Variants in KCNIP4 observed in about 807,000 individuals in gnomAD.
The protein encoded by KCNIP4 is potassium voltage-gated channel interacting protein 4.
KCNIP4 carries 12 observed loss-of-function variants against 34.0 expected under a neutral mutation model. The ratio of observed to expected loss-of-function variants is 0.35; its 90% CI spans 0.23 to 0.57. The LOEUF (loss-of-function observed/expected upper bound fraction) is 0.57. KCNIP4 is among the 20% of genes least tolerant of loss of function. The pLI is 0.83. For synonymous variants in KCNIP4, 124 were observed against 102.2 expected (o/e 1.21, Z -1.29); for missense variants, 238 against 311.7 (o/e 0.76, Z 1.78).
rs751126860 is a variant in KCNIP4 at position 21,933,933 on chromosome 4, G to A, written c.61+14638C>T. Among the ~76,000 whole-genome samples the A allele has an allele frequency of 5.6e-4, 85 of 152,102 alleles. 1 individual carries two copies. The highest frequency in any genetic ancestry group is 1.0e-3 in the Non-Finnish European group (68 of 67,980). On this transcript the variant is annotated intron_variant, in intron 1 of 8. Transcript: ENST00000382152. ...GCTATGGTGTCTTTACTCTGGGTTG[G>A]CAGACACCCAACAATTAATTAAAAC... is the stretch of plus-strand genomic sequence containing the variant.
intron 3 of KCNIP4, among the ~76,000 whole-genome samples, chr4:20,829,668 A>G (rs1718182523): frequency 6.6e-6 from 1 of 152,104 alleles, no homozygotes; most frequent in African/African-American, 2.4e-5. Context: ...CATGGTTACT[A>G]CTATTGTTTA....
chr4:21,378,857 G>A lies in KCNIP4; in HGVS notation c.62-496148C>T, dbSNP rs146005812. ...AGCAAGACACCTTTATACATACTAC[G>A]TAGCTATCTACATATTTATTAACAA... On this transcript the variant is annotated intron_variant, in intron 1 of 8. Transcript: ENST00000382152. Among the ~76,000 whole-genome samples the A allele has an allele frequency of 9.5e-3, 1,443 of 151,796 alleles. 28 individuals carry two copies. The highest frequency in any genetic ancestry group is 0.033 in the African/African-American group (1,373 of 41,402).
At chr4:21,504,711 G>A (rs566549091) in intron 1 of KCNIP4, among the ~76,000 whole-genome samples, 13 of 152,026 alleles carry the variant, frequency 8.6e-5, no homozygotes, top group African/African-American at 3.1e-4. Context: ...ATGATTTGGG[G>A]TTTCACACGG....
intron 1 of KCNIP4, among the ~76,000 whole-genome samples, chr4:21,690,355 A>G (rs1751174967): frequency 6.6e-6 from 1 of 151,928 alleles, no homozygotes; most frequent in Non-Finnish European, 1.5e-5. Flanking sequence ...GTCCCCTCCA[A>G]ATCTCATGTT....
intron 1 of KCNIP4, among the ~76,000 whole-genome samples, chr4:21,205,482 G>T (rs1560172910): frequency 6.6e-6 from 1 of 152,152 alleles, no homozygotes; most frequent in Non-Finnish European, 1.5e-5. Flanking sequence ...TGTAAGCCAG[G>T]CACTGTGACT....
At chr4:21,587,478 A>T (rs568577680) in intron 1 of KCNIP4, among the ~76,000 whole-genome samples, 1 of 152,088 alleles carries the variant, frequency 6.6e-6, no homozygotes, top group Admixed American at 6.6e-5. Flanking sequence ...TCTTATCTTC[A>T]GTTGTGTTGG....
intron 1 of KCNIP4, among the ~76,000 whole-genome samples, chr4:21,613,043 T>G (rs1744286020): frequency 6.6e-6 from 1 of 152,074 alleles, no homozygotes; most frequent in Non-Finnish European, 1.5e-5. Flanking sequence ...GTTTCATCAG[T>G]CTAATCTTGA....
chr4:21,003,726 T>C (rs1163755734), intron 1 of KCNIP4, among the ~76,000 whole-genome samples: 7 of 152,182 alleles, frequency 4.6e-5, no homozygotes, highest in Admixed American at 3.9e-4. Context: ...GCTGATATTA[T>C]TTTATTAAGT....
At chr4:21,883,385 G>A (rs1726574160) in intron 1 of KCNIP4, among the ~76,000 whole-genome samples, 1 of 152,094 alleles carries the variant, frequency 6.6e-6, no homozygotes, top group South Asian at 2.1e-4. Flanking sequence ...TTGGCTTCAA[G>A]TGATCCTTTT....
chr4:21,837,869 A>G (rs948473878), intron 1 of KCNIP4, among the ~76,000 whole-genome samples: 1 of 152,116 alleles, frequency 6.6e-6, no homozygotes, highest in African/African-American at 2.4e-5. Flanking sequence ...TTCCATCAAT[A>G]TTTCTACTAA....
chr4:20,915,627 G>T (rs1042512594), intron 1 of KCNIP4, among the ~76,000 whole-genome samples: 1 of 151,960 alleles, frequency 6.6e-6, no homozygotes, highest in Non-Finnish European at 1.5e-5. Context: ...CTTCAATCAA[G>T]GGTTTGATGT....
chr4:21,612,060 C>A (rs1389340178), intron 1 of KCNIP4, among the ~76,000 whole-genome samples: 3 of 152,082 alleles, frequency 2.0e-5, no homozygotes, highest in Non-Finnish European at 4.4e-5. Flanking sequence ...ATAACAATGC[C>A]TCAAAGTGTG....
At chr4:21,087,787 C>A (rs1004544048) in intron 1 of KCNIP4, among the ~76,000 whole-genome samples, 2 of 152,154 alleles carry the variant, frequency 1.3e-5, no homozygotes, top group South Asian at 4.1e-4. Flanking sequence ...CTCAATCCTC[C>A]CTTCAAATGT....
intron 1 of KCNIP4, among the ~76,000 whole-genome samples, chr4:20,886,022 C>G (rs529300465): frequency 6.6e-5 from 10 of 152,288 alleles, no homozygotes; most frequent in Non-Finnish European, 1.2e-4. Flanking sequence ...TTCTCCATAG[C>G]AAGTATAATT....
At chr4:21,867,628 G>A (rs984246261) in intron 1 of KCNIP4, among the ~76,000 whole-genome samples, 4 of 152,174 alleles carry the variant, frequency 2.6e-5, no homozygotes, top group Admixed American at 1.3e-4. Flanking sequence ...AAGCAGAGAT[G>A]CTGGAGCATC....
intron 1 of KCNIP4, among the ~76,000 whole-genome samples, chr4:20,956,838 G>A (rs931778243): frequency 2.0e-5 from 3 of 152,116 alleles, no homozygotes; most frequent in Non-Finnish European, 2.9e-5. Flanking sequence ...TAATAGAACT[G>A]AATAGAATAA....
At chr4:21,520,693 C>T (rs7672115) in intron 1 of KCNIP4, among the ~76,000 whole-genome samples, 48,967 of 151,988 alleles carry the variant, frequency 0.32, 8,240 homozygotes, top group South Asian at 0.46. Flanking sequence ...TCTATTTCTC[C>T]TTTTACCTTT....
At position 21,326,248 on chromosome 4, in the gene KCNIP4, A is replaced by G. The variant is rs193056399; in HGVS notation, c.62-443539T>C. Among the ~76,000 whole-genome samples, 358 of 151,702 alleles carry G rather than the reference A, an allele frequency of 2.4e-3. 4 individuals are homozygous for G. The highest frequency in any genetic ancestry group is 8.1e-3 in the African/African-American group (334 of 41,468). ...TATATCTGCCATTTTAGCTCTAATAACAGTTGCTTTATACATCTGGGTGCT... is the reference window on the plus strand; with the variant it reads ...TATATCTGCCATTTTAGCTCTAATAGCAGTTGCTTTATACATCTGGGTGCT... On this transcript the variant is annotated intron_variant, in intron 1 of 8. Coordinates refer to ENST00000382152, the MANE Select transcript of KCNIP4 (RefSeq NM_025221.6).
chr4:21,459,961 C>G (rs893966337), intron 1 of KCNIP4, among the ~76,000 whole-genome samples: 2 of 151,850 alleles, frequency 1.3e-5, no homozygotes, highest in Admixed American at 1.3e-4. Context: ...AATCTCCTCT[C>G]TACACAAGGG....
Sources: allele counts gnomAD v4.1 joint callset (sites outside exome capture counted in the v4.1 genomes callset), GRCh38; gene constraint gnomAD v4.1.1; transcripts MANE v1.5; gene names NCBI Gene and HGNC (gene_info 2026-07-23, HGNC 2026-07-21).